The following HTR4 variants were observed in gnomAD, a reference collection of about 807,000 sequenced individuals.
HTR4 encodes the protein 5-hydroxytryptamine receptor 4, also known as 5-hydroxytryptamine (serotonin) receptor 4, G protein-coupled.
In HTR4, 16 loss-of-function variants were observed where a neutral mutation model predicts 36.8. That is an observed-to-expected ratio of 0.43 (90% CI 0.29 to 0.66). HTR4 has a LOEUF of 0.66. Ranked by LOEUF, HTR4 falls within the 30% of genes least tolerant of loss-of-function variation. The pLI is 0.13. For missense variants in HTR4, 438 were observed against 490.9 expected, an observed-to-expected ratio of 0.89 and a Z score of 1.02; for synonymous variants, 189 against 185.1, an observed-to-expected ratio of 1.02 and a Z score of -0.17.
At chr5:148,534,751 C>T (rs1195009698) in intron 4 of HTR4, among the ~76,000 whole-genome samples, 6 of 152,082 alleles carry the variant, frequency 3.9e-5, no homozygotes, top group Non-Finnish European at 8.8e-5. Flanking sequence ...ACATACCCTT[C>T]AGTCTGGGCT....
chr5:148,608,526 A>G (rs1752276029), intron 2 of HTR4, among the ~76,000 whole-genome samples: 1 of 152,228 alleles, frequency 6.6e-6, no homozygotes, highest in Non-Finnish European at 1.5e-5. Flanking sequence ...CGTAAAGTAG[A>G]AAGTGGTATG....
rs775555966 is a variant in HTR4 at position 148,452,339 on chromosome 5, G to A, written c.1077-1067C>T. Among the ~76,000 whole-genome samples, 46 of 152,268 alleles carry A rather than the reference G, an allele frequency of 3.0e-4. 2 individuals carry two copies. The highest frequency in any genetic ancestry group is 6.5e-4 in the Admixed American group (10 of 15,300). On this transcript the variant is annotated intron_variant, in intron 5 of 5. Coordinates refer to the HTR4 transcript ENST00000521530. ...TCCAATCAAACCCACTCTAGCTCAT[G>A]CCAATACCCATGTGTTTAACTGGTT...
intron 5 of HTR4, among the ~76,000 whole-genome samples, chr5:148,469,555 A>T (rs1469590454): frequency 1.3e-5 from 2 of 152,194 alleles, no homozygotes; most frequent in African/African-American, 4.8e-5. Context: ...TTCTGAAGCC[A>T]GCTCTGCAGC....
intron 2 of HTR4, among the ~76,000 whole-genome samples, chr5:148,618,438 T>C (rs925604081): frequency 6.6e-6 from 1 of 152,200 alleles, no homozygotes; most frequent in Non-Finnish European, 1.5e-5. Context: ...TCCCTCTGGC[T>C]TCAATTGGGC....
At chr5:148,508,938 A>T (rs1193245816) in intron 6 of HTR4, among the ~76,000 whole-genome samples, 1 of 152,138 alleles carries the variant, frequency 6.6e-6, no homozygotes, top group Non-Finnish European at 1.5e-5. Context: ...AGGTGAGGAA[A>T]GTAAAACCAA....
intron 2 of HTR4, among the ~76,000 whole-genome samples, chr5:148,560,365 A>G (rs567749911): frequency 6.6e-6 from 1 of 152,222 alleles, no homozygotes; most frequent in African/African-American, 2.4e-5. Context: ...ACCCACCCAC[A>G]CTTTCTAACT....
intron 2 of HTR4, among the ~76,000 whole-genome samples, chr5:148,562,995 G>A (rs1760281607): frequency 6.6e-6 from 1 of 152,108 alleles, no homozygotes; most frequent in African/African-American, 2.4e-5. Flanking sequence ...TCACCCACTA[G>A]ACAGAATGAG....
downstream of HTR4, chr5:148,476,796 A>T (rs1755712950): frequency 6.2e-7 from 1 of 1,609,658 alleles, no homozygotes. Flanking sequence ...ACTGAAAAGC[A>T]TATCAAAATG....
At chr5:148,599,986 G>A (rs965929999) in intron 2 of HTR4, among the ~76,000 whole-genome samples, 1 of 151,378 alleles carries the variant, frequency 6.6e-6, no homozygotes, top group East Asian at 1.9e-4. Context: ...AAATTGGAAT[G>A]TACTTCTAAC....
At chr5:148,566,959 A>G (rs1760468205) in intron 2 of HTR4, among the ~76,000 whole-genome samples, 1 of 151,850 alleles carries the variant, frequency 6.6e-6, no homozygotes, top group South Asian at 2.1e-4. Flanking sequence ...TCCACAAAAA[A>G]TTGTGTTTTT....
intron 2 of HTR4, among the ~76,000 whole-genome samples, chr5:148,580,018 A>T (rs1286566184): frequency 6.6e-6 from 1 of 151,980 alleles, no homozygotes; most frequent in African/African-American, 2.4e-5. Context: ...ATTGAATACC[A>T]AGGAGAAGGA....
At chr5:148,530,641 G>T (rs1758516258) in intron 4 of HTR4, among the ~76,000 whole-genome samples, 1 of 152,184 alleles carries the variant, frequency 6.6e-6, no homozygotes, top group Non-Finnish European at 1.5e-5. Flanking sequence ...TGGAGCCCCT[G>T]TGCAGAGTCC....
At chr5:148,633,550 C>T (rs1448584082) in intron 2 of HTR4, among the ~76,000 whole-genome samples, 1 of 139,694 alleles carries the variant, frequency 7.2e-6, no homozygotes. Flanking sequence ...CCACAACAGT[C>T]CCCAGACTGT....
intron 2 of HTR4, among the ~76,000 whole-genome samples, chr5:148,561,046 T>C (rs1428836656): frequency 6.6e-6 from 1 of 152,174 alleles, no homozygotes; most frequent in Non-Finnish European, 1.5e-5. Context: ...AATTCTAAAA[T>C]AATTTTATTT....
chr5:148,636,196 C>A (rs1316568236), intron 2 of HTR4, among the ~76,000 whole-genome samples: 1 of 152,116 alleles, frequency 6.6e-6, no homozygotes, highest in Non-Finnish European at 1.5e-5. Context: ...TAGTTTTCTA[C>A]TATGTCAAAT....
chr5:148,452,888 C>G (rs1048251048), intron 5 of HTR4, among the ~76,000 whole-genome samples: 1 of 152,196 alleles, frequency 6.6e-6, no homozygotes, highest in Non-Finnish European at 1.5e-5. Context: ...TATGCAAGAC[C>G]TTAGGGAAGC....
At chr5:148,541,265 G>A (rs1203580016) in intron 4 of HTR4, among the ~76,000 whole-genome samples, 1 of 152,090 alleles carries the variant, frequency 6.6e-6, no homozygotes, top group Non-Finnish European at 1.5e-5. Context: ...AGAGTTCTGA[G>A]GACAGAGAAA....
chr5:148,639,978 TCTC>T (rs1470670455), intron 1 of HTR4, among the ~76,000 whole-genome samples: 1 of 152,106 alleles, frequency 6.6e-6, no homozygotes, highest in Non-Finnish European at 1.5e-5. Context: ...TTGCCCTTTT[TCTC>T]CTCCTCCAAC....
intron 5 of HTR4, among the ~76,000 whole-genome samples, 178 bp downstream of exon 5, chr5:148,523,015 G>A (rs112994108): frequency 9.2e-5 from 14 of 152,176 alleles, no homozygotes; most frequent in African/African-American, 3.4e-4. Flanking sequence ...ACTAAAGTTG[G>A]GTTAAGGAGA....
Sources: allele counts gnomAD v4.1 joint callset (sites outside exome capture counted in the v4.1 genomes callset), GRCh38; gene constraint gnomAD v4.1.1; transcripts MANE v1.5; gene names NCBI Gene and HGNC (gene_info 2026-07-23, HGNC 2026-07-21).